LMF1: variants seen among roughly 807,000 people sequenced by gnomAD.
The protein encoded by LMF1 is lipase maturation factor 1, also known as transmembrane protein 112.
LMF1 carries 68 observed loss-of-function variants against 60.6 expected under a neutral mutation model. The observed-to-expected ratio is 1.12, with a 90% CI of 0.92 to 1.37. LMF1 has a LOEUF of 1.37. Ranked by LOEUF, LMF1 falls within the 40% of genes most tolerant of loss-of-function variation. The probability of loss-of-function intolerance (pLI) is 0.00; values close to 1 mark genes in which losing one functional copy is unlikely to be tolerated. For missense variants in LMF1, 948 were observed against 767.2 expected, an observed-to-expected ratio of 1.24 and a Z score of -2.78; for synonymous variants, 418 against 324.7, an observed-to-expected ratio of 1.29 and a Z score of -3.09.
rs1233753085 is a variant in LMF1 at position 967,383 on chromosome 16, G to GGCT, written c.193+3402_193+3404dup. Among the ~76,000 whole-genome samples, 5 of 152,328 alleles carry GGCT rather than the reference G, an allele frequency of 3.3e-5. No homozygotes were observed. The South Asian group carries it at 1.0e-3, about 32-fold the overall frequency. On this transcript the variant is annotated intron_variant, in intron 1 of 10. Coordinates refer to ENST00000262301, the MANE Select transcript of LMF1 (RefSeq NM_022773.4). ...ATAAAACAGTGAGGGATTCTGGCCA[G>GGCT]GCTGCTCTGCCCTCTGTTCCGGTGA...
At chr16:948,612 A>T (rs2072321553) in intron 2 of LMF1, among the ~76,000 whole-genome samples, 1 of 151,830 alleles carries the variant, frequency 6.6e-6, no homozygotes, top group Non-Finnish European at 1.5e-5. Context: ...AAAGACAATG[A>T]CAGAGTCAGC....
At chr16:945,292 T>C (rs1291056740) in intron 2 of LMF1, among the ~76,000 whole-genome samples, 1 of 148,750 alleles carries the variant, frequency 6.7e-6, no homozygotes, top group Non-Finnish European at 1.5e-5. Flanking sequence ...GAGGCTGAGA[T>C]AGGAGTATTG....
chr16:862,137 A>G (rs76218352), intron 10 of LMF1, among the ~76,000 whole-genome samples: 15,201 of 151,860 alleles, frequency 0.1, 2,313 homozygotes, highest in African/African-American at 0.33. Flanking sequence ...TGGTCATGGC[A>G]TAGAATTCTT....
At chr16:868,786 G>C (rs1026518662) in intron 10 of LMF1, among the ~76,000 whole-genome samples, 158 bp downstream of exon 10, 1 of 140,936 alleles carries the variant, frequency 7.1e-6, no homozygotes, top group Admixed American at 7.0e-5. Context: ...CGGGGGGGGG[G>C]GGCCCTTTTT....
At chr16:892,610 G>T (rs1019330878) in intron 5 of LMF1, among the ~76,000 whole-genome samples, 4 of 152,384 alleles carry the variant, frequency 2.6e-5, no homozygotes, top group African/African-American at 9.6e-5. Flanking sequence ...TAACGATGGA[G>T]CCACAGTTCC....
At chr16:963,971 GC>G (rs1468560792) in intron 1 of LMF1, 1 of 445,430 alleles carries the variant, frequency 2.2e-6, no homozygotes, top group Non-Finnish European at 4.6e-6. Context: ...GCTTCGGAAG[GC>G]CCCGTCACTA....
upstream of LMF1, among the ~76,000 whole-genome samples, chr16:975,281 T>C (rs963831732): frequency 1.3e-5 from 2 of 152,104 alleles, no homozygotes; most frequent in Non-Finnish European, 2.9e-5. Flanking sequence ...TGTGGTGGTG[T>C]TCTCCGGTTG....
At chr16:898,567 C>T (rs1021789817) in intron 4 of LMF1, among the ~76,000 whole-genome samples, 4 of 152,216 alleles carry the variant, frequency 2.6e-5, no homozygotes, top group South Asian at 2.1e-4. Context: ...GCAGCCAGGC[C>T]GTGTAGGGGC....
Position 934,039 on chromosome 16 carries a change from C to T in LMF1, c.514+205G>A, listed in dbSNP as rs569261180. Reference sequence around the variant, plus strand: ...GTGCGACCATCCGTCTCTAGGTGCCCGGGGCCTGGAAGCCCAGGAGCTCCC... The same window carrying T: ...GTGCGACCATCCGTCTCTAGGTGCCTGGGGCCTGGAAGCCCAGGAGCTCCC... On this transcript the variant is annotated intron_variant, in intron 3 of 10. Coordinates refer to ENST00000262301, the MANE Select transcript of LMF1 (RefSeq NM_022773.4). 118 of 1,508,324 alleles carry T rather than the reference C, an allele frequency of 7.8e-5. 1 individual carries two copies. Among genetic ancestry groups the T allele is most frequent in the African/African-American group, 2.5e-4 (18 of 72,460 alleles). 93.4% of individuals were successfully genotyped at this position (1,508,324 alleles called of 1,614,324 possible).
intron 3 of LMF1, among the ~76,000 whole-genome samples, chr16:922,914 C>T (rs1342218719): frequency 1.9e-5 from 2 of 107,286 alleles, no homozygotes; most frequent in Non-Finnish European, 3.4e-5. Flanking sequence ...TGAAAGTCGC[C>T]GGGGTTTTCG....
At chr16:980,024 C>T in intron 1 of LMF1, 1 of 329,570 alleles carries the variant, frequency 3.0e-6, no homozygotes, top group Non-Finnish European at 6.0e-6. Flanking sequence ...GATGGTGGGA[C>T]GGGGAAGAGA....
chr16:856,394 G>A (rs1346305824), intron 10 of LMF1, among the ~76,000 whole-genome samples: 2 of 152,204 alleles, frequency 1.3e-5, no homozygotes, highest in Non-Finnish European at 2.9e-5. Flanking sequence ...GAGGGCGCTG[G>A]GCTGTGCGGG....
At chr16:861,017 T>G (rs913242042) in intron 10 of LMF1, among the ~76,000 whole-genome samples, 4 of 118,224 alleles carry the variant, frequency 3.4e-5, no homozygotes, top group African/African-American at 2.0e-4. Flanking sequence ...TCTTGCTGGG[T>G]TTTTTTTTTA....
chr16:877,114 C>T (rs181672509), intron 6 of LMF1, among the ~76,000 whole-genome samples: 4 of 152,234 alleles, frequency 2.6e-5, no homozygotes, highest in African/African-American at 7.2e-5. Flanking sequence ...GAGGAGTGCT[C>T]GAGCCCTGGA....
Position 854,448 on chromosome 16 carries a change from C to A in LMF1, c.*84G>T. ...CCTCTCCACGTCTCTCTTGGCGATG[C>A]CCAGCTTGGGCTGGGCGCAGGGAAG... On this transcript the variant is annotated 3_prime_UTR_variant, in exon 11 of 11. Coordinates refer to ENST00000262301, the MANE Select transcript of LMF1 (RefSeq NM_022773.4). 1 of 1,378,374 alleles carries A rather than the reference C, an allele frequency of 7.3e-7. No individual in the cohort carries two copies. The highest frequency in any genetic ancestry group is 1.3e-5 in the South Asian group (1 of 79,878). 85.4% of individuals were successfully genotyped at this position (1,378,374 alleles called of 1,614,324 possible). A position where few individuals can be genotyped will look rare whatever the true frequency, so the allele number is the denominator to read the frequency against.
chr16:930,896 G>C (rs904724563), intron 3 of LMF1, among the ~76,000 whole-genome samples: 1 of 152,214 alleles, frequency 6.6e-6, no homozygotes, highest in Non-Finnish European at 1.5e-5. Flanking sequence ...TGAGGTGGGC[G>C]GGTTACCTGA....
Position 921,601 on chromosome 16 carries a change from C to A in LMF1, c.515-10522G>T, listed in dbSNP as rs565599684. Among the ~76,000 whole-genome samples the A allele has an allele frequency of 1.9e-4, 29 of 152,318 alleles. No individual in the cohort carries two copies. The South Asian group carries it at 6.0e-3, about 32-fold the overall frequency. On this transcript the variant is annotated intron_variant, in intron 3 of 10. Coordinates refer to ENST00000262301, the MANE Select transcript of LMF1 (RefSeq NM_022773.4). ...TGACGGGACTTTCTGGGGTGACGGC[C>A]ACTCCCTATACCTTGATGGGGCTCG...
chr16:954,262 G>A (rs533567794), intron 2 of LMF1, 95 bp downstream of exon 2: 29 of 1,252,308 alleles, frequency 2.3e-5, no homozygotes, highest in Middle Eastern at 1.8e-4. Context: ...TAAGATAAAC[G>A]CTCGTCCAGT....
chr16:881,093 G>C (rs1013073811), intron 5 of LMF1, among the ~76,000 whole-genome samples: 4 of 152,244 alleles, frequency 2.6e-5, no homozygotes, highest in African/African-American at 9.6e-5. Context: ...CTACGTGGAA[G>C]TCGGGGCCCC....
Sources: allele counts gnomAD v4.1 joint callset (sites outside exome capture counted in the v4.1 genomes callset), GRCh38; gene constraint gnomAD v4.1.1; transcripts MANE v1.5; gene names NCBI Gene and HGNC (gene_info 2026-07-23, HGNC 2026-07-21).